Variants in NFIA observed in about 807,000 individuals in gnomAD.
NFIA encodes nuclear factor I A, also known as nuclear factor 1 A-type.
In NFIA, 8 loss-of-function variants were observed where a neutral mutation model predicts 62.8. That is an observed-to-expected ratio of 0.13 (90% CI 0.07 to 0.23). The LOEUF (loss-of-function observed/expected upper bound fraction) is 0.23, where lower values mean the gene tolerates loss of function less well. NFIA is among the 10% of genes least tolerant of loss of function. NFIA has a pLI of 1.00. For missense variants in NFIA, 410 were observed against 642.1 expected (o/e 0.64, Z 3.91); for synonymous variants, 235 against 238.1 (o/e 0.99, Z 0.12).
intron 2 of NFIA, among the ~76,000 whole-genome samples, chr1:61,190,609 T>C (rs1372541887): frequency 6.6e-6 from 1 of 152,244 alleles, no homozygotes; most frequent in African/African-American, 2.4e-5. Context: ...GCAAATGTTA[T>C]TTACACATAT....
intron 3 of NFIA, among the ~76,000 whole-genome samples, chr1:61,282,004 A>C (rs1171203175): frequency 6.6e-6 from 1 of 152,186 alleles, no homozygotes; most frequent in Non-Finnish European, 1.5e-5. Flanking sequence ...AACAAAAAAA[A>C]CAAAAACGCT....
At chr1:61,386,390 A>G (rs1664688706) in intron 7 of NFIA, among the ~76,000 whole-genome samples, 2 of 152,208 alleles carry the variant, frequency 1.3e-5, no homozygotes, top group Admixed American at 6.5e-5. Context: ...ATCTTGAAGA[A>G]AAGAAAAGAA....
At chr1:61,082,948 C>T (rs1235860190) in intron 1 of NFIA, 130 bp downstream of exon 1, 1 of 492,700 alleles carries the variant, frequency 2.0e-6, no homozygotes, top group Non-Finnish European at 2.7e-6. Flanking sequence ...GTGTCTGTGT[C>T]TGCGCGTGTT....
At chr1:61,432,420 GC>G (rs1240500504) in intron 10 of NFIA, among the ~76,000 whole-genome samples, 2 of 151,896 alleles carry the variant, frequency 1.3e-5, no homozygotes, top group Admixed American at 1.3e-4. Context: ...GCCCACCCAA[GC>G]TCACTTGAGA....
intron 6 of NFIA, among the ~76,000 whole-genome samples, chr1:61,360,387 C>G (rs1401544882): frequency 6.6e-6 from 1 of 152,198 alleles, no homozygotes; most frequent in Non-Finnish European, 1.5e-5. Flanking sequence ...CTCCTGCTGG[C>G]TGTGTGATTG....
upstream of NFIA, among the ~76,000 whole-genome samples, chr1:61,078,156 A>C (rs1269559757): frequency 6.6e-6 from 1 of 151,962 alleles, no homozygotes; most frequent in Non-Finnish European, 1.5e-5. Flanking sequence ...GGCAGAGGAG[A>C]TCTGAAGTTC....
intron 3 of NFIA, among the ~76,000 whole-genome samples, chr1:61,319,836 C>CACACACACACA (rs1660580765): frequency 3.6e-5 from 5 of 139,082 alleles, no homozygotes; most frequent in African/African-American, 1.0e-4. Flanking sequence ...CACACACACA[C>CACACACACACA]CAACTTTCAT....
chr1:61,379,485 G>A (rs1664312787), intron 6 of NFIA, among the ~76,000 whole-genome samples: 2 of 139,286 alleles, frequency 1.4e-5, no homozygotes, highest in Admixed American at 7.9e-5. Flanking sequence ...TGGGCTGACT[G>A]CAACCTCCGC....
At chr1:61,121,796 G>A (rs1646891389) in intron 2 of NFIA, among the ~76,000 whole-genome samples, 2 of 152,144 alleles carry the variant, frequency 1.3e-5, no homozygotes, top group African/African-American at 4.8e-5. Flanking sequence ...GGACCCTGGT[G>A]GTGATAGCAT....
intron 9 of NFIA, among the ~76,000 whole-genome samples, chr1:61,417,677 CT>C (rs1666417003): frequency 6.6e-6 from 1 of 151,916 alleles, no homozygotes; most frequent in Admixed American, 6.6e-5. Context: ...TGGGTGTTAT[CT>C]TTTTTAATTG....
At chr1:61,337,672 G>T (rs1661685382) in intron 4 of NFIA, among the ~76,000 whole-genome samples, 1 of 152,174 alleles carries the variant, frequency 6.6e-6, no homozygotes, top group Non-Finnish European at 1.5e-5. Flanking sequence ...GCTCTTACAT[G>T]ATGCTGCATT....
intron 3 of NFIA, among the ~76,000 whole-genome samples, chr1:61,316,816 A>T (rs1419935792): frequency 6.6e-6 from 1 of 152,218 alleles, no homozygotes; most frequent in East Asian, 1.9e-4. Context: ...TTCTTTCAGC[A>T]TTGATTTAAA....
rs544596890 is a variant in NFIA, at chr1:61,158,183, G to A, written c.559+69503G>A. ...GCCTTTTCATCTTTGAAAATAATAG[G>A]ATTAAGATTGTGGATTCTGTTAATC... On this transcript the variant is annotated intron_variant, in intron 2 of 10. Transcript: ENST00000403491. Among the ~76,000 whole-genome samples, 7 of 152,216 alleles carry A rather than the reference G, an allele frequency of 4.6e-5. No individual in the cohort carries two copies. In the South Asian group the frequency reaches 1.5e-3, roughly 32 times the overall value.
chr1:61,406,556 C>CCCCCA lies in NFIA; in HGVS notation c.1255-5_1255-4insCCCAC. 1 of 1,253,364 alleles carries CCCCCA rather than the reference C, an allele frequency of 8.0e-7. No individual in the cohort carries two copies. The highest frequency in any genetic ancestry group is 1.1e-6 in the Non-Finnish European group (1 of 938,182). 77.6% of individuals were successfully genotyped at this position (1,253,364 alleles called of 1,614,324 possible). A position where few individuals can be genotyped will look rare whatever the true frequency, so the allele number is the denominator to read the frequency against. On this transcript the variant is annotated splice_polypyrimidine_tract_variant and splice_region_variant and intron_variant, in intron 8 of 10. Coordinates refer to ENST00000403491, the MANE Select transcript of NFIA (RefSeq NM_001134673.4). Reference sequence around the variant, plus strand: ...CGTGTGTTTTCTGCCCCCCCCCCCCCCACAGCCCAATGGGAGCAGCCAAGG... The same window carrying CCCCCA: ...CGTGTGTTTTCTGCCCCCCCCCCCCCCCCCACACAGCCCAATGGGAGCAGCCAAGG...
At chr1:61,214,638 C>T (rs986636075) in intron 2 of NFIA, among the ~76,000 whole-genome samples, 5 of 152,122 alleles carry the variant, frequency 3.3e-5, no homozygotes, top group African/African-American at 9.7e-5. Flanking sequence ...AATCATTAAA[C>T]GGTGACTTCT....
intron 10 of NFIA, among the ~76,000 whole-genome samples, chr1:61,434,582 C>G (rs182805446): frequency 6.6e-6 from 1 of 152,264 alleles, no homozygotes; most frequent in Non-Finnish European, 1.5e-5. Flanking sequence ...AAAGTTCGAG[C>G]CATTAATTCT....
intron 2 of NFIA, among the ~76,000 whole-genome samples, chr1:61,261,321 C>A (rs1347216883): frequency 6.6e-6 from 1 of 152,162 alleles, no homozygotes; most frequent in Non-Finnish European, 1.5e-5. Context: ...AATCCACATT[C>A]CATAAAAATG....
chr1:61,080,016 C>T (rs1984296), upstream of NFIA, among the ~76,000 whole-genome samples: 38 of 151,938 alleles, frequency 2.5e-4, no homozygotes, highest in African/African-American at 8.7e-4. Context: ...CGCCTCCCCC[C>T]CTCCCTCCGC....
chr1:61,222,197 C>A (rs953527041), intron 2 of NFIA, among the ~76,000 whole-genome samples: 2 of 152,124 alleles, frequency 1.3e-5, no homozygotes, highest in Non-Finnish European at 2.9e-5. Context: ...TTTTCTTACA[C>A]ATATTTTAAA....
Sources: allele counts gnomAD v4.1 joint callset (sites outside exome capture counted in the v4.1 genomes callset), GRCh38; gene constraint gnomAD v4.1.1; transcripts MANE v1.5; gene names NCBI Gene and HGNC (gene_info 2026-07-23, HGNC 2026-07-21).